Variants in FOCAD observed in about 807,000 individuals in gnomAD.
FOCAD encodes the protein KIAA1797.
Under a neutral mutation model 225.6 loss-of-function variants are expected in FOCAD, and 198 were observed. The ratio of observed to expected loss-of-function variants is 0.88; its 90% CI spans 0.78 to 0.99. FOCAD has a LOEUF of 0.99. Among genes scored for constraint, FOCAD ranks in the 50% least tolerant of loss-of-function variants. The pLI is 0.00. For synonymous variants in FOCAD, 897 were observed against 755.0 expected (o/e 1.19, Z -3.08); for missense variants, 2,713 against 2,123.6 (o/e 1.28, Z -5.46).
At chr9:20,720,285 T>C (rs1825668995) in intron 3 of FOCAD, 95 bp from the exon 4 acceptor site, 1 of 1,228,802 alleles carries the variant, frequency 8.1e-7, no homozygotes, top group South Asian at 1.4e-5. Flanking sequence ...GCTAGCCTAC[T>C]GTGAACAAAT....
At chr9:20,807,759 G>T (rs1169236091) in intron 11 of FOCAD, among the ~76,000 whole-genome samples, 2 of 152,128 alleles carry the variant, frequency 1.3e-5, no homozygotes, top group African/African-American at 2.4e-5. Context: ...GTATTTAGAA[G>T]TAGTCTTAGG....
rs1296378491 is a variant in FOCAD, at chr9:20,827,176, C to T, written c.1920+4061C>T. Among the ~76,000 whole-genome samples, 3 of 152,036 alleles carry T rather than the reference C, an allele frequency of 2.0e-5. No homozygotes were observed. In the East Asian group the frequency reaches 5.8e-4, roughly 29 times the overall value. On this transcript the variant is annotated intron_variant, in intron 15 of 43. Transcript: ENST00000338382. Reference sequence around the variant, plus strand: ...TTTTAACTCCCCACAAAACTCCATACCGTTTAGATGTCACCCCCTAATCTC... The same window carrying T: ...TTTTAACTCCCCACAAAACTCCATATCGTTTAGATGTCACCCCCTAATCTC...
chr9:20,777,832 G>T (rs1427733521), intron 8 of FOCAD, among the ~76,000 whole-genome samples: 1 of 152,128 alleles, frequency 6.6e-6, no homozygotes, highest in Admixed American at 6.5e-5. Flanking sequence ...GCCGGGCTCG[G>T]TGGCTCACGC....
chr9:20,669,766 C>T (rs754952991), intron 2 of FOCAD, among the ~76,000 whole-genome samples: 3 of 151,870 alleles, frequency 2.0e-5, no homozygotes, highest in Non-Finnish European at 4.4e-5. Context: ...CAGAGCAAGA[C>T]TTCATCTCAA....
intron 35 of FOCAD, among the ~76,000 whole-genome samples, chr9:20,968,582 C>T (rs1343026202): frequency 6.6e-6 from 1 of 151,672 alleles, no homozygotes; most frequent in African/African-American, 2.4e-5. Context: ...GCTGGGATTA[C>T]AGGCGTCTGC....
chr9:20,944,732 G>A lies in FOCAD; in HGVS notation c.3513G>A (p.Ala1171=), dbSNP rs532117681. The A allele has an allele frequency of 1.2e-5, 19 of 1,613,824 alleles. No homozygotes were observed. Among genetic ancestry groups the A allele is most frequent in the Admixed American group, 3.3e-5 (2 of 59,972 alleles). The change falls in exon 29 of 44, where the codon GCG becomes GCA. Residue 1171 remains alanine (A), a synonymous_variant. Transcript: ENST00000338382. The stretch of plus-strand genomic sequence containing the variant: ...CAGCATTGCTCCGGAAGCTGTCTGC[G>A]CACGTAGATGACAGCGGGAGCCAGA... The part of the protein sequence containing the change: ...HVAALLRKLS[A]HVDDSGSQSR...
chr9:20,712,439 C>T (rs1385191655), intron 1 of FOCAD, among the ~76,000 whole-genome samples: 2 of 152,086 alleles, frequency 1.3e-5, no homozygotes, highest in Non-Finnish European at 2.9e-5. Flanking sequence ...GCGGGCGGAT[C>T]ACTTGAGGTC....
intron 24 of FOCAD, among the ~76,000 whole-genome samples, chr9:20,922,181 G>A (rs78969098): frequency 6.6e-6 from 1 of 152,184 alleles, no homozygotes; most frequent in Non-Finnish European, 1.5e-5. Context: ...AGCTATATGA[G>A]TGCTCTGTAA....
At chr9:20,825,834 A>G (rs1824832112) in intron 15 of FOCAD, among the ~76,000 whole-genome samples, 1 of 152,094 alleles carries the variant, frequency 6.6e-6, no homozygotes, top group South Asian at 2.1e-4. Context: ...GATTCTGTCT[A>G]CCTTCCAACT....
chr9:20,689,573 A>G (rs1246015046), intron 1 of FOCAD, among the ~76,000 whole-genome samples: 1 of 152,110 alleles, frequency 6.6e-6, no homozygotes, highest in Non-Finnish European at 1.5e-5. Flanking sequence ...TATTAGGCCT[A>G]GGAGGTATGG....
At chr9:20,934,732 G>A (rs1172573099) in intron 28 of FOCAD, among the ~76,000 whole-genome samples, 1 of 151,856 alleles carries the variant, frequency 6.6e-6, no homozygotes, top group Non-Finnish European at 1.5e-5. Flanking sequence ...GACTTCTTCA[G>A]AAAGCTCCCA....
At chr9:20,921,207 G>C (rs1175394706) in intron 24 of FOCAD, among the ~76,000 whole-genome samples, 1 of 152,060 alleles carries the variant, frequency 6.6e-6, no homozygotes, top group Non-Finnish European at 1.5e-5. Context: ...CTGAAGTATT[G>C]AGTCACTTTA....
chr9:20,883,424 C>G (rs1358380971), intron 20 of FOCAD, among the ~76,000 whole-genome samples: 2 of 152,140 alleles, frequency 1.3e-5, no homozygotes, highest in Non-Finnish European at 2.9e-5. Context: ...ACATGTAGAA[C>G]ATTGTACCTT....
intron 18 of FOCAD, among the ~76,000 whole-genome samples, chr9:20,870,670 G>C (rs1001757046): frequency 5.9e-5 from 9 of 152,040 alleles, no homozygotes; most frequent in Admixed American, 2.6e-4. Flanking sequence ...GAATCACAAG[G>C]GTAAACAACT....
At chr9:20,872,843 C>T (rs11789503) in intron 18 of FOCAD, 23,835 of 152,018 alleles carry the variant, frequency 0.16, 1,926 homozygotes, top group East Asian at 0.18. Flanking sequence ...AAGACCTAAG[C>T]AACCACTAAT....
At chr9:20,748,296 A>G (rs1828239578) in intron 5 of FOCAD, among the ~76,000 whole-genome samples, 1 of 151,404 alleles carries the variant, frequency 6.6e-6, no homozygotes. Context: ...AACTTTTTAA[A>G]TTTTTTTTTG....
chr9:20,884,640 T>G (rs1359759624), intron 20 of FOCAD, among the ~76,000 whole-genome samples: 1 of 152,196 alleles, frequency 6.6e-6, no homozygotes, highest in African/African-American at 2.4e-5. Flanking sequence ...CTTGTGTTTT[T>G]TTATTCCTTA....
chr9:20,852,683 T>C (rs1239341339), intron 15 of FOCAD, among the ~76,000 whole-genome samples: 1 of 151,790 alleles, frequency 6.6e-6, no homozygotes, highest in Admixed American at 6.6e-5. Flanking sequence ...GACTGCCTAA[T>C]TCATCAATTT....
chr9:20,675,086 A>C (rs1822193618), intron 2 of FOCAD, among the ~76,000 whole-genome samples: 1 of 152,176 alleles, frequency 6.6e-6, no homozygotes, highest in South Asian at 2.1e-4. Context: ...TGGTTAAAAA[A>C]GTTTTTCTTC....
Sources: allele counts gnomAD v4.1 joint callset (sites outside exome capture counted in the v4.1 genomes callset), GRCh38; gene constraint gnomAD v4.1.1; transcripts MANE v1.5; gene names NCBI Gene and HGNC (gene_info 2026-07-23, HGNC 2026-07-21).